Variants in FNIP1 observed in about 807,000 individuals in gnomAD.
The protein encoded by FNIP1 is folliculin interacting protein 1, also known as folliculin-interacting protein 1.
FNIP1 carries 40 observed loss-of-function variants against 124.5 expected under a neutral mutation model. The observed-to-expected ratio is 0.32, with a 90% CI of 0.25 to 0.42. The LOEUF is 0.42. Among genes scored for constraint, FNIP1 ranks in the 10% least tolerant of loss-of-function variants. The pLI is 1.00. For missense variants in FNIP1, 1,176 were observed against 1,403.7 expected (o/e 0.84, Z 2.59); for synonymous variants, 472 against 470.6 (o/e 1.00, Z -0.04).
At chr5:131,781,857 A>G (rs1772006622) in intron 1 of FNIP1, among the ~76,000 whole-genome samples, 1 of 152,210 alleles carries the variant, frequency 6.6e-6, no homozygotes, top group Admixed American at 6.5e-5. Flanking sequence ...AAAAGAAAAA[A>G]AAAAGAAATA....
chr5:131,699,393 T>G (rs1485168658), intron 10 of FNIP1, among the ~76,000 whole-genome samples: 5 of 147,216 alleles, frequency 3.4e-5, no homozygotes, highest in Non-Finnish European at 7.4e-5. Flanking sequence ...TTCTGTTAAC[T>G]CCTTTTTTTT....
intron 15 of FNIP1, among the ~76,000 whole-genome samples, chr5:131,669,656 C>CA (rs1351049363): frequency 1.3e-5 from 2 of 150,844 alleles, no homozygotes; most frequent in Admixed American, 6.6e-5. Context: ...AAGGGATGGA[C>CA]AAAAAAAACC....
intron 2 of FNIP1, among the ~76,000 whole-genome samples, chr5:131,738,364 TC>T (rs1437073068): frequency 6.6e-6 from 1 of 152,214 alleles, no homozygotes; most frequent in Non-Finnish European, 1.5e-5. Context: ...CAAAGTGTTT[TC>T]TCAGGTTGCC....
At chr5:131,690,544 T>G (rs1335721508) in intron 11 of FNIP1, among the ~76,000 whole-genome samples, 4 of 152,168 alleles carry the variant, frequency 2.6e-5, no homozygotes, top group African/African-American at 9.7e-5. Flanking sequence ...TTTTCCTTCC[T>G]GCTGCCTTGT....
intron 2 of FNIP1, among the ~76,000 whole-genome samples, chr5:131,735,427 G>A (rs1770256397): frequency 7.0e-6 from 1 of 142,680 alleles, no homozygotes; most frequent in African/African-American, 2.6e-5. Flanking sequence ...CCTGCACATT[G>A]TGCACATGTA....
intron 13 of FNIP1, among the ~76,000 whole-genome samples, chr5:131,675,596 A>C (rs563719215): frequency 6.6e-6 from 1 of 152,344 alleles, no homozygotes; most frequent in African/African-American, 2.4e-5. Context: ...ATATTGAATG[A>C]ATGAGATCAA....
chr5:131,724,898 CA>C (rs745727368), intron 3 of FNIP1, among the ~76,000 whole-genome samples: 7 of 152,010 alleles, frequency 4.6e-5, no homozygotes, highest in Non-Finnish European at 1.0e-4. Context: ...GGAAGGAATC[CA>C]GTTTCAGTTT....
At chr5:131,721,964 T>C (rs1042798270) in intron 3 of FNIP1, among the ~76,000 whole-genome samples, 27 of 152,256 alleles carry the variant, frequency 1.8e-4, no homozygotes, top group Non-Finnish European at 1.9e-4. Context: ...CAAGTATCTA[T>C]TCTCTAATTC....
intron 1 of FNIP1, among the ~76,000 whole-genome samples, chr5:131,787,959 GAC>G (rs1008220325): frequency 6.6e-6 from 1 of 152,162 alleles, no homozygotes; most frequent in Non-Finnish European, 1.5e-5. Flanking sequence ...AAGCCTGGGT[GAC>G]ACAGTGAGAC....
chr5:131,712,150 A>ATGTTATTCAAGTC (rs1200116666), intron 6 of FNIP1, among the ~76,000 whole-genome samples: 1 of 152,108 alleles, frequency 6.6e-6, no homozygotes, highest in African/African-American at 2.4e-5. Context: ...CAAGCCTTAC[A>ATGTTATTCAAGTC]ATGTGCTAGT....
Position 131,706,489 on chromosome 5 carries a change from C to T in FNIP1, c.836G>A (p.Arg279Gln), listed in dbSNP as rs768069566. The T allele has an allele frequency of 1.1e-5, 17 of 1,613,162 alleles. No homozygotes were observed. The highest frequency in any genetic ancestry group is 8.9e-5 in the East Asian group (4 of 44,858). The change falls in exon 9 of 18, where the codon CGA (arginine) becomes CAA (glutamine). Residue 279 changes from arginine (R) to glutamine (Q), a missense_variant. This residue lies in a region of FNIP1 where 1,109 missense variants were observed against 1,288.5 expected (regional missense o/e 0.86). Coordinates refer to ENST00000510461, the MANE Select transcript of FNIP1 (RefSeq NM_133372.3). The stretch of plus-strand genomic sequence containing the variant: ...TCGCTGGTAGCTGCTGGCACAACTT[C>T]GGGTAAGTGAGGAGTTTGGGGAAGG... Reference protein sequence around the residue: ...PFPSPNSSLTRSCASSYQRRW... With the variant: ...PFPSPNSSLTQSCASSYQRRW...
At chr5:131,734,233 G>A (rs557269486) in intron 2 of FNIP1, among the ~76,000 whole-genome samples, 4 of 151,544 alleles carry the variant, frequency 2.6e-5, no homozygotes, top group East Asian at 1.9e-4. Context: ...CTTATTAGTC[G>A]TGCTAGCGGT....
chr5:131,658,907 CAAAAAAAAAAAAAAAA>C (rs70974003), intron 15 of FNIP1, among the ~76,000 whole-genome samples: 3 of 41,164 alleles, frequency 7.3e-5, no homozygotes, highest in East Asian at 8.8e-4. Flanking sequence ...TGGGTCTAGC[CAAAAAAAAAAAAAAAA>C]AAAAAAAAAA....
chr5:131,777,011 C>T (rs528234231), intron 1 of FNIP1, among the ~76,000 whole-genome samples: 30 of 152,114 alleles, frequency 2.0e-4, no homozygotes, highest in African/African-American at 6.3e-4. Context: ...GTGGGAGGAT[C>T]GCTTGAGCTG....
At chr5:131,755,451 GA>G (rs1771019241) in intron 1 of FNIP1, among the ~76,000 whole-genome samples, 1 of 150,406 alleles carries the variant, frequency 6.6e-6, no homozygotes, top group Non-Finnish European at 1.5e-5. Context: ...AGAAGAAAAA[GA>G]AAAAGAAAAA....
intron 11 of FNIP1, among the ~76,000 whole-genome samples, chr5:131,695,347 T>A (rs1768658901): frequency 6.6e-6 from 1 of 152,182 alleles, no homozygotes; most frequent in Admixed American, 6.5e-5. Context: ...TCTTAACTGA[T>A]AATACAGAGT....
At chr5:131,672,964 T>G (rs1767810141) in intron 13 of FNIP1, 40 bp from the exon 14 acceptor site, 5 of 1,375,564 alleles carry the variant, frequency 3.6e-6, no homozygotes, top group East Asian at 2.3e-5. Flanking sequence ...TGTCCTTTAC[T>G]GACACAGCTA....
intron 1 of FNIP1, among the ~76,000 whole-genome samples, chr5:131,786,120 T>C (rs973582332): frequency 6.6e-6 from 1 of 152,224 alleles, no homozygotes; most frequent in Non-Finnish European, 1.5e-5. Flanking sequence ...AAATTGCTCA[T>C]TGAATGAATA....
chr5:131,655,169 A>G (rs1344972749), intron 15 of FNIP1, among the ~76,000 whole-genome samples: 2 of 152,202 alleles, frequency 1.3e-5, no homozygotes, highest in Non-Finnish European at 2.9e-5. Context: ...TGTAGCCTAG[A>G]AATACGGAAA....
Sources: allele counts gnomAD v4.1 joint callset (sites outside exome capture counted in the v4.1 genomes callset), GRCh38; gene constraint gnomAD v4.1.1; regional missense constraint gnomAD v4.1.1; transcripts MANE v1.5; gene names NCBI Gene and HGNC (gene_info 2026-07-23, HGNC 2026-07-21).